Variants in XPA observed in about 807,000 individuals in gnomAD.
XPA encodes XPA, DNA damage recognition and repair factor, also known as DNA repair protein complementing XP-A cells.
In XPA, 27 loss-of-function variants were observed where a neutral mutation model predicts 35.7. The observed-to-expected ratio is 0.76, with a 90% confidence interval of 0.56 to 1.04. The LOEUF (loss-of-function observed/expected upper bound fraction) is 1.04, where lower values mean the gene tolerates loss of function less well. Among genes scored for constraint, XPA ranks in the 50% least tolerant of loss-of-function variants. The pLI is 0.00. For synonymous variants in XPA, 133 were observed against 118.4 expected (o/e 1.12, Z -0.80); for missense variants, 354 against 342.7 (o/e 1.03, Z -0.26).
downstream of XPA, among the ~76,000 whole-genome samples, chr9:97,674,021 T>C: frequency 6.8e-6 from 1 of 146,792 alleles, no homozygotes; most frequent in East Asian, 1.9e-4. Context: ...CAAACAGTCC[T>C]TTGAGATGAT....
At chr9:97,671,186 C>T, downstream of XPA, 1 of 1,606,274 alleles carries the variant, frequency 6.2e-7, no homozygotes, top group Non-Finnish European at 8.5e-7. Context: ...CAGTTCTGTG[C>T]CCTGCAGGCC....
At position 97,691,891 on chromosome 9, in the gene XPA, AT is replaced by A. The variant is rs1564049248; in HGVS notation, c.283+1757del. On this transcript the variant is annotated intron_variant, in intron 2 of 5. Coordinates refer to ENST00000375128, the MANE Select transcript of XPA (RefSeq NM_000380.4). ...AGCAAGGCTCTTTCTAAATAAATAT[AT>A]ATATATATATATATATATATATATG... 6.4e-3 allele frequency among the ~76,000 whole-genome samples: 597 copies of A among 92,902 alleles called. 9 individuals carry two copies. The highest frequency in any genetic ancestry group is 0.042 in the South Asian group (152 of 3,582). The allele number at this position is 92,902 out of a possible 152,430, so 60.9% of individuals were successfully genotyped here.
At position 97,697,135 on chromosome 9, in the gene XPA, G is replaced by A; in HGVS notation, c.158C>T (p.Ala53Val). The change falls in exon 1 of 6, where the codon GCT becomes GTT. Residue 53 changes from alanine to valine, a missense_variant. Transcript: ENST00000375128. ...GCGGCCCAAACCTCCAGTAGCCGCAGCCGCCGTCGCCGAGTAGGGCCGGGC... is the reference window on the plus strand; with the variant it reads ...GCGGCCCAAACCTCCAGTAGCCGCAACCGCCGTCGCCGAGTAGGGCCGGGC... ...LAARPYSATAAAATGGMANVK... is the reference protein window; with the variant it reads ...LAARPYSATAVAATGGMANVK... 6.4e-7 allele frequency: 1 copy of A among 1,553,182 alleles called. No homozygotes were observed. Among genetic ancestry groups the A allele is most frequent in the South Asian group, 1.2e-5 (1 of 85,732 alleles).
the XPA span, among the ~76,000 whole-genome samples, chr9:97,658,213 A>AT: frequency 6.6e-6 from 1 of 152,122 alleles, no homozygotes; most frequent in Non-Finnish European, 1.5e-5. Flanking sequence ...GTGTGTATAT[A>AT]TGCCTCCAAT....
At chr9:97,691,628 G>A (rs3176657) in intron 2 of XPA, among the ~76,000 whole-genome samples, 14,296 of 152,124 alleles carry the variant, frequency 0.094, 2,303 homozygotes, top group African/African-American at 0.33. Context: ...CAGGAGAATC[G>A]CTTGTGCCCA....
downstream of XPA, chr9:97,673,330 C>CA (rs1388996835): frequency 2.6e-5 from 4 of 152,178 alleles, no homozygotes; most frequent in South Asian, 4.1e-4. Flanking sequence ...ACTCCTGTCT[C>CA]AAAAAACCAA....
At chr9:97,674,395 G>C (rs1034109945), downstream of XPA, among the ~76,000 whole-genome samples, 1 of 151,820 alleles carries the variant, frequency 6.6e-6, no homozygotes, top group Non-Finnish European at 1.5e-5. Flanking sequence ...TTTTGACTTA[G>C]CCTTTCTCCA....
chr9:97,668,827 G>A, the XPA span: 319 of 1,605,792 alleles, frequency 2.0e-4, 3 homozygotes, highest in Middle Eastern at 1.7e-3. Context: ...TTTTCCTTTT[G>A]TTCATTTGCC....
rs3176731 is a variant in XPA, at chr9:97,678,716, C to A, written c.674-3129G>T. Among the ~76,000 whole-genome samples, 350 of 152,288 alleles carry A rather than the reference C, an allele frequency of 2.3e-3. 3 individuals are homozygous for A. Among genetic ancestry groups the A allele is most frequent in the African/African-American group, 7.5e-3 (311 of 41,574 alleles). ...GATGGACACTAAATCTAGGGGGATA[C>A]AATTTCTTTTTGCTTATCAAATCAA... On this transcript the variant is annotated intron_variant, in intron 5 of 5. Coordinates refer to ENST00000375128, the MANE Select transcript of XPA (RefSeq NM_000380.4).
At chr9:97,689,419 C>T (rs541228171) in intron 3 of XPA, 115 bp downstream of exon 3, 1 of 740,846 alleles carries the variant, frequency 1.3e-6, no homozygotes, top group Admixed American at 2.4e-5. Context: ...TAGGAAACAC[C>T]CAAAATGAAA....
At chr9:97,692,786 GTAA>G (rs1191785319) in intron 2 of XPA, among the ~76,000 whole-genome samples, 4 of 152,026 alleles carry the variant, frequency 2.6e-5, no homozygotes, top group Non-Finnish European at 1.5e-5. Context: ...ATATTACAAT[GTAA>G]TAATAATGGA....
At chr9:97,654,937 G>C in the XPA span, 1 of 1,602,564 alleles carries the variant, frequency 6.2e-7, no homozygotes, top group South Asian at 1.1e-5. Flanking sequence ...CACTACCTGT[G>C]TAGACAGGTA....
intron 3 of XPA, 136 bp downstream of exon 3, chr9:97,689,398 C>G (rs112833438): frequency 7.4e-6 from 5 of 678,072 alleles, no homozygotes; most frequent in Admixed American, 5.0e-5. Context: ...AAATAGAAAC[C>G]ATAGAAATTT....
chr9:97,687,034 TG>T, intron 4 of XPA, 61 bp downstream of exon 4: 1 of 1,542,134 alleles, frequency 6.5e-7, no homozygotes, highest in Non-Finnish European at 8.8e-7. Context: ...AAACCAATTA[TG>T]ACTAGTTTGT....
chr9:97,680,805 T>G (rs1170865370), intron 5 of XPA, among the ~76,000 whole-genome samples: 1 of 152,118 alleles, frequency 6.6e-6, no homozygotes, highest in Non-Finnish European at 1.5e-5. Context: ...TGAAAAAAGG[T>G]CTGTAGGTCT....
the XPA span, among the ~76,000 whole-genome samples, chr9:97,659,777 G>A: frequency 6.6e-6 from 1 of 152,196 alleles, no homozygotes; most frequent in African/African-American, 2.4e-5. Context: ...TCAGGCTTTT[G>A]TTGAAGATTA....
chr9:97,672,012 G>A (rs1420146496), downstream of XPA: 1 of 152,134 alleles, frequency 6.6e-6, no homozygotes, highest in Non-Finnish European at 1.5e-5. Flanking sequence ...ATACTAAAGT[G>A]GATGTAGAAG....
At chr9:97,661,396 C>A in the XPA span, among the ~76,000 whole-genome samples, 1 of 152,128 alleles carries the variant, frequency 6.6e-6, no homozygotes, top group Non-Finnish European at 1.5e-5. Context: ...ATGTTTTCTC[C>A]AAGTTAAGCT....
the XPA span, chr9:97,669,066 A>G: frequency 1.5e-6 from 2 of 1,357,842 alleles, no homozygotes; most frequent in Non-Finnish European, 2.0e-6. Flanking sequence ...TGTAAAAGGA[A>G]TACACATTCA....
Sources: allele counts gnomAD v4.1 joint callset (sites outside exome capture counted in the v4.1 genomes callset), GRCh38; gene constraint gnomAD v4.1.1; transcripts MANE v1.5; gene names NCBI Gene and HGNC (gene_info 2026-07-23, HGNC 2026-07-21).